The following MYO16 variants were observed in gnomAD, a reference collection of about 807,000 sequenced individuals.
MYO16 encodes the protein myosin XVI, also known as unconventional myosin-XVI.
Under a neutral mutation model 205.3 loss-of-function variants are expected in MYO16, and 94 were observed. The observed-to-expected ratio is 0.46, with a 90% CI of 0.39 to 0.54. The LOEUF (loss-of-function observed/expected upper bound fraction) is 0.54, where lower values mean the gene tolerates loss of function less well. MYO16 is among the 20% of genes least tolerant of loss of function. The pLI is 0.00. For synonymous variants in MYO16, 988 were observed against 954.0 expected (o/e 1.04, Z -0.66); for missense variants, 2,315 against 2,387.5 (o/e 0.97, Z 0.63).
At chr13:108,684,120 C>T (rs1212085002) in intron 2 of MYO16, among the ~76,000 whole-genome samples, 4 of 152,154 alleles carry the variant, frequency 2.6e-5, no homozygotes, top group Non-Finnish European at 5.9e-5. Flanking sequence ...GTGATCCGCC[C>T]GCCTCGGCCT....
At chr13:108,570,204 G>C in the MYO16 span, among the ~76,000 whole-genome samples, 2 of 151,800 alleles carry the variant, frequency 1.3e-5, no homozygotes, top group African/African-American at 4.8e-5. Flanking sequence ...TTGCTTGCTT[G>C]GTTTTTGCTT....
At chr13:108,642,418 A>G (rs975251769) in intron 1 of MYO16, among the ~76,000 whole-genome samples, 3 of 152,140 alleles carry the variant, frequency 2.0e-5, no homozygotes, top group African/African-American at 4.8e-5. Context: ...CACTTTAATC[A>G]GACACGTTGG....
At chr13:109,119,482 C>T (rs1875881342) in intron 28 of MYO16, among the ~76,000 whole-genome samples, 1 of 152,208 alleles carries the variant, frequency 6.6e-6, no homozygotes, top group Non-Finnish European at 1.5e-5. Flanking sequence ...TTACTTATGT[C>T]TGCTTCTCCT....
chr13:108,503,461 T>C, the MYO16 span, among the ~76,000 whole-genome samples: 1 of 151,054 alleles, frequency 6.6e-6, no homozygotes, highest in East Asian at 1.9e-4. Flanking sequence ...TTTTTTTAAA[T>C]AAAAGGTCAG....
chr13:109,084,743 T>C (rs1888386344), intron 27 of MYO16, among the ~76,000 whole-genome samples: 1 of 152,148 alleles, frequency 6.6e-6, no homozygotes, highest in South Asian at 2.1e-4. Flanking sequence ...CCTTCCTTTT[T>C]TTTTATTCAT....
intron 9 of MYO16, among the ~76,000 whole-genome samples, chr13:108,832,460 C>T (rs1387619872): frequency 6.6e-6 from 1 of 151,884 alleles, no homozygotes; most frequent in Non-Finnish European, 1.5e-5. Flanking sequence ...ATTTGTATGT[C>T]CTGAATACCT....
chr13:108,620,107 A>T (rs1336155228), intron 1 of MYO16, among the ~76,000 whole-genome samples: 1 of 152,120 alleles, frequency 6.6e-6, no homozygotes, highest in East Asian at 1.9e-4. Context: ...TTAAAAAAGT[A>T]TTAGTACCCA....
At chr13:108,886,172 A>G (rs1246467674) in intron 13 of MYO16, among the ~76,000 whole-genome samples, 2 of 152,006 alleles carry the variant, frequency 1.3e-5, no homozygotes, top group Non-Finnish European at 1.5e-5. Context: ...TATTTTTAGT[A>G]GAGACGAGGT....
intron 27 of MYO16, among the ~76,000 whole-genome samples, chr13:109,057,981 C>T (rs866690560): frequency 2.0e-5 from 3 of 152,146 alleles, no homozygotes; most frequent in Middle Eastern, 3.4e-3. Context: ...TTTAGTGTTA[C>T]CCAAAACAGC....
chr13:108,703,628 C>A (rs1471006717), intron 2 of MYO16, among the ~76,000 whole-genome samples: 2 of 152,102 alleles, frequency 1.3e-5, no homozygotes, highest in African/African-American at 2.4e-5. Flanking sequence ...ATGAAACATT[C>A]TCCAGGACAG....
intron 1 of MYO16, among the ~76,000 whole-genome samples, chr13:108,611,872 G>C (rs542843905): frequency 2.0e-4 from 30 of 151,378 alleles, no homozygotes; most frequent in Non-Finnish European, 3.5e-4. Flanking sequence ...TAGGCAAGGA[G>C]CATGAAACAG....
intron 34 of MYO16, among the ~76,000 whole-genome samples, chr13:109,202,539 T>C (rs919113863): frequency 6.6e-5 from 10 of 152,154 alleles, no homozygotes; most frequent in Admixed American, 6.6e-4. Flanking sequence ...TTAGCCCACT[T>C]CGAAAGAAAT....
intron 2 of MYO16, among the ~76,000 whole-genome samples, chr13:108,707,821 G>C (rs1329102106): frequency 6.6e-6 from 1 of 152,166 alleles, no homozygotes; most frequent in African/African-American, 2.4e-5. Context: ...CAGTGTGTGT[G>C]CATGTGTTTT....
At position 108,855,560 on chromosome 13, in the gene MYO16, GC is replaced by G; in HGVS notation, c.1359+10del. On this transcript the variant is annotated splice_region_variant and intron_variant, in intron 11 of 34. Transcript: ENST00000457511. ...TGGGAACAATCAGATCTATGTGAGT[GC>G]CCTGGAAATTGCCTTTTGCACTGTT... 6.5e-7 allele frequency: 1 copy of G among 1,529,320 alleles called. No individual in the cohort carries two copies. The allele number at this position is 1,529,320 out of a possible 1,614,324, so 94.7% of individuals were successfully genotyped here.
At position 108,636,345 on chromosome 13, in the gene MYO16, CCTTTTTTTTTTTTTTTTTTTT is replaced by C. The variant is rs1469614609; in HGVS notation, c.28+6474_28+6494del. Among the ~76,000 whole-genome samples, 268 of 79,918 alleles carry C rather than the reference CCTTTTTTTTTTTTTTTTTTTT, an allele frequency of 3.4e-3. 8 individuals are homozygous for C. The South Asian group carries it at 0.12, about 37-fold the overall frequency. The allele number at this position is 79,918 out of a possible 152,430, so 52.4% of individuals were successfully genotyped here. ...CTAGTCTTAAATGAAAAAATATTTC[CCTTTTTTTTTTTTTTTTTTTT>C]TTTTGTGTGTGTGTGTGTGTGTGTG... On this transcript the variant is annotated intron_variant, in intron 1 of 34. Transcript: ENST00000457511.
rs547945986 is a variant in MYO16 at position 108,599,499 on chromosome 13, G to A, written c.-39+3260G>A. Among the ~76,000 whole-genome samples, 4 of 152,248 alleles carry A rather than the reference G, an allele frequency of 2.6e-5. No homozygotes were observed. In the East Asian group the frequency reaches 7.7e-4, roughly 29 times the overall value. On this transcript the variant is annotated intron_variant, in intron 1 of 24. Transcript: ENST00000251041. ...TAAATACCTTGGGAAAACAAGGGTT[G>A]TGTTCACTCTAGGCTGTTACTTTGT...
rs1438860071 is a variant in MYO16 at position 108,666,000 on chromosome 13, A to G, written c.143A>G (p.Glu48Gly). Residue 48 changes from glutamate to glycine, a missense_variant, in exon 2 of 35, where the codon GAG becomes GGG. Physicochemically the swap from Glu to Gly is moderately conservative, Grantham distance 98. Coordinates refer to ENST00000457511, the MANE Select transcript of MYO16 (RefSeq NM_001198950.3). ...RQRLVKRMRC[E>G]QIKAYYEREK... is the part of the protein sequence containing the mutation. ...CGTCTAGTGAAGCGCATGCGCTGTG[A>G]GCAAATCAAAGCCTACTATGAGCGC... 4 of 1,614,156 alleles carry G rather than the reference A, an allele frequency of 2.5e-6. No homozygotes were observed. The highest frequency in any genetic ancestry group is 3.3e-5 in the Admixed American group (2 of 60,020).
intron 27 of MYO16, among the ~76,000 whole-genome samples, chr13:109,099,979 A>G (rs763880020): frequency 1.3e-4 from 20 of 152,258 alleles, no homozygotes; most frequent in Non-Finnish European, 2.6e-4. Flanking sequence ...CTTGCGGAAC[A>G]GCCGAACATG....
At chr13:108,764,561 C>T (rs1277342542) in intron 4 of MYO16, among the ~76,000 whole-genome samples, 4 of 152,050 alleles carry the variant, frequency 2.6e-5, no homozygotes, top group African/African-American at 9.7e-5. Flanking sequence ...AAATACTTAC[C>T]TGTGGTACGT....
Sources: gnomAD v4.1 joint callset for allele counts (sites outside exome capture counted in the v4.1 genomes callset) on GRCh38, gnomAD v4.1.1 for gene constraint, MANE v1.5 for transcripts, NCBI Gene and HGNC (gene_info 2026-07-23, HGNC 2026-07-21) for gene names.